The following SLC15A2 variants were observed in gnomAD, a reference collection of about 807,000 sequenced individuals.
The protein encoded by SLC15A2 is solute carrier family 15 member 2.
A neutral mutation model predicts 95.5 loss-of-function variants in SLC15A2; 77 were observed. The observed-to-expected ratio is 0.81, with a 90% CI of 0.67 to 0.97. SLC15A2 has a LOEUF of 0.97. SLC15A2 is among the 50% of genes least tolerant of loss of function. The pLI is 0.00. For missense variants in SLC15A2, 893 were observed against 874.4 expected, an observed-to-expected ratio of 1.02 and a Z score of -0.27; for synonymous variants, 306 against 306.9, an observed-to-expected ratio of 1.00 and a Z score of 0.03.
chr3:121,894,453 G>C lies in SLC15A2; in HGVS notation c.-24G>C. 2 of 1,593,268 alleles carry C rather than the reference G, an allele frequency of 1.3e-6. No homozygotes were observed. Among genetic ancestry groups the C allele is most frequent in the Non-Finnish European group, 1.7e-6 (2 of 1,163,560 alleles). ...CCTACTAAAGCCAAATGCTTGAGGA[G>C]AGAGAGAGAGTAAGGAGCCAGCCAT... On this transcript the variant is annotated 5_prime_UTR_variant, in exon 1 of 22. Coordinates refer to ENST00000489711, the MANE Select transcript of SLC15A2 (RefSeq NM_021082.4).
intron 8 of SLC15A2, 133 bp downstream of exon 8, chr3:121,922,435 C>T (rs1224951270): frequency 3.0e-6 from 2 of 667,620 alleles, no homozygotes; most frequent in East Asian, 2.8e-5. Flanking sequence ...TTTTAACAAG[C>T]TAAGATTAAC....
intron 3 of SLC15A2, among the ~76,000 whole-genome samples, chr3:121,900,992 G>A (rs111647767): frequency 2.7e-5 from 4 of 148,932 alleles, no homozygotes; most frequent in Non-Finnish European, 4.5e-5. Flanking sequence ...TATATAATAT[G>A]TATAATATAT....
intron 19 of SLC15A2, among the ~76,000 whole-genome samples, chr3:121,932,193 C>A (rs140193459): frequency 6.6e-6 from 1 of 152,102 alleles, no homozygotes; most frequent in African/African-American, 2.4e-5. Flanking sequence ...CGTGAGTCAC[C>A]GCACCTGGCT....
At chr3:121,919,109 A>C (rs1007084636) in intron 7 of SLC15A2, among the ~76,000 whole-genome samples, 5 of 152,214 alleles carry the variant, frequency 3.3e-5, no homozygotes, top group Non-Finnish European at 7.3e-5. Context: ...GCTCCTGCTC[A>C]GGGAGTCCCA....
chr3:121,938,439 C>G (rs1051207533), intron 19 of SLC15A2, among the ~76,000 whole-genome samples: 6 of 152,284 alleles, frequency 3.9e-5, no homozygotes, highest in South Asian at 4.2e-4. Flanking sequence ...AGGACCCTCC[C>G]AGCCAGGTGT....
intron 3 of SLC15A2, among the ~76,000 whole-genome samples, chr3:121,898,468 C>T (rs1223115905): frequency 1.3e-5 from 2 of 152,134 alleles, no homozygotes; most frequent in African/African-American, 4.8e-5. Flanking sequence ...AACTGATAAG[C>T]TTAGAAATGG....
At chr3:121,939,900 G>A (rs1258967594) in intron 20 of SLC15A2, among the ~76,000 whole-genome samples, 2 of 151,902 alleles carry the variant, frequency 1.3e-5, no homozygotes, top group African/African-American at 2.4e-5. Flanking sequence ...CTGCCTCCCC[G>A]GCTCAAGCGA....
chr3:121,929,436 G>T, intron 17 of SLC15A2, 88 bp downstream of exon 17: 1 of 1,398,070 alleles, frequency 7.2e-7, no homozygotes, highest in South Asian at 1.2e-5. Context: ...TACTTGTTCT[G>T]AACAGGAATT....
chr3:121,929,102 A>G lies in SLC15A2; in HGVS notation c.1462A>G (p.Ser488Gly). ...TTCTGTGCAGGAGAAGAACTGGTACAGTCTTGTCATTCGTGAAGATGGGAA... is the reference window on the plus strand; with the variant it reads ...TTCTGTGCAGGAGAAGAACTGGTACGGTCTTGTCATTCGTGAAGATGGGAA... ...EHSVQEKNWY[S>G]LVIREDGNSI... The change falls in exon 16 of 22, where the codon AGT (serine) becomes GGT (glycine). Residue 488 changes from serine (S) to glycine (G), a missense_variant. By Grantham distance (56) the Ser-to-Gly change is moderately conservative (BLOSUM62 0). Transcript: ENST00000489711. 1.2e-6 allele frequency: 2 copies of G among 1,613,968 alleles called. No individual in the cohort carries two copies. Among genetic ancestry groups the G allele is most frequent in the Non-Finnish European group, 1.7e-6 (2 of 1,179,872 alleles).
At chr3:121,909,704 A>C (rs1412315268) in intron 3 of SLC15A2, among the ~76,000 whole-genome samples, 2 of 151,944 alleles carry the variant, frequency 1.3e-5, no homozygotes, top group Non-Finnish European at 2.9e-5. Flanking sequence ...TCTTTCATTC[A>C]TTTAGTCCAA....
intron 1 of SLC15A2, chr3:121,895,484 ATTACT>A (rs2107562595): frequency 6.6e-6 from 1 of 152,294 alleles, no homozygotes; most frequent in Admixed American, 6.5e-5. Context: ...AGAATAATAC[ATTACT>A]TTATTATTTT....
chr3:121,914,682 A>G (rs1236384072), intron 5 of SLC15A2, among the ~76,000 whole-genome samples: 1 of 152,190 alleles, frequency 6.6e-6, no homozygotes, highest in Non-Finnish European at 1.5e-5. Context: ...ATTGGTGATT[A>G]CAGAAATGAG....
intron 8 of SLC15A2, 48 bp downstream of exon 8, chr3:121,922,350 A>G: frequency 2.0e-6 from 3 of 1,481,562 alleles, no homozygotes; most frequent in Non-Finnish European, 2.8e-6. Context: ...AAAGAAAGAG[A>G]TGCTATGCTG....
chr3:121,939,428 A>C lies in SLC15A2; in HGVS notation c.1841A>C (p.Gln614Pro). 6.3e-7 allele frequency: 1 copy of C among 1,578,608 alleles called. No individual in the cohort carries two copies. Among genetic ancestry groups the C allele is most frequent in the Non-Finnish European group, 8.6e-7 (1 of 1,162,972 alleles). Residue 614 changes from glutamine (Q) to proline (P), a missense_variant, in exon 20 of 22, where the codon CAA becomes CCA. Coordinates refer to ENST00000489711, the MANE Select transcript of SLC15A2 (RefSeq NM_021082.4). ...ATGTCCATTGCGTGGCAGCTACCAC[A>C]ATATGCCCTGGTTACAGCTGGGGAG... ...NKMSIAWQLP[Q>P]YALVTAGEVM...
At chr3:121,930,248 A>G (rs1710205500) in intron 17 of SLC15A2, among the ~76,000 whole-genome samples, 1 of 152,170 alleles carries the variant, frequency 6.6e-6, no homozygotes, top group Non-Finnish European at 1.5e-5. Context: ...ACCCATCCTG[A>G]GAGGACAATC....
At chr3:121,901,114 G>A (rs1471393188) in intron 3 of SLC15A2, among the ~76,000 whole-genome samples, 1 of 151,998 alleles carries the variant, frequency 6.6e-6, no homozygotes, top group African/African-American at 2.4e-5. Context: ...TGCCTCCCAG[G>A]TCCAAGCGAT....
At position 121,943,597 on chromosome 3, in the gene SLC15A2, A is replaced by C. The variant is rs1710498324; in HGVS notation, c.*2590A>C. 6.6e-6 allele frequency: 1 copy of C among 152,238 alleles called. No homozygotes were observed. The highest frequency in any genetic ancestry group is 1.5e-5 in the Non-Finnish European group (1 of 68,036). 9.4% of individuals were successfully genotyped at this position (152,238 alleles called of 1,614,324 possible). On this transcript the variant is annotated 3_prime_UTR_variant, in exon 22 of 22. Coordinates refer to ENST00000489711, the MANE Select transcript of SLC15A2 (RefSeq NM_021082.4). ...CAATGCACTTCTGTTAATGCAGTGT[A>C]AGGTAACATGAGTTGTTTTTGGAAA...
intron 4 of SLC15A2, among the ~76,000 whole-genome samples, chr3:121,912,440 G>A (rs1020701389): frequency 6.6e-6 from 1 of 152,022 alleles, no homozygotes; most frequent in Non-Finnish European, 1.5e-5. Flanking sequence ...TACCATGTTG[G>A]CCAGGCTGGT....
rs182762636 is a variant in SLC15A2 at position 121,896,343 on chromosome 3, A to T, written c.106-63A>T. The T allele has an allele frequency of 3.0e-6, 4 of 1,314,074 alleles. No homozygotes were observed. In the East Asian group the frequency reaches 9.2e-5, roughly 30 times the overall value. 81.4% of individuals were successfully genotyped at this position (1,314,074 alleles called of 1,614,324 possible). On this transcript the variant is annotated intron_variant, in intron 1 of 21. Transcript: ENST00000489711. ...TAAATGAATTTTTCAGTTTTGAAGA[A>T]ATCTAATTGTTGAAACAGGGAAAAA...
Sources: gnomAD v4.1 joint callset for allele counts (sites outside exome capture counted in the v4.1 genomes callset) on GRCh38, gnomAD v4.1.1 for gene constraint, MANE v1.5 for transcripts, NCBI Gene and HGNC (gene_info 2026-07-23, HGNC 2026-07-21) for gene names.